Variants in IL1RAPL2 observed in about 807,000 individuals in gnomAD.
The protein encoded by IL1RAPL2 is X-linked interleukin-1 receptor accessory protein-like 2.
IL1RAPL2 carries 3 observed loss-of-function variants against 44.1 expected under a neutral mutation model. The ratio of observed to expected loss-of-function variants is 0.07; its 90% confidence interval spans 0.03 to 0.18. The LOEUF is 0.18. IL1RAPL2 is among the 10% of genes least tolerant of loss of function. The probability of loss-of-function intolerance (pLI) is 1.00; values close to 1 mark genes in which losing one functional copy is unlikely to be tolerated. For missense variants in IL1RAPL2, 391 were observed against 496.4 expected, an observed-to-expected ratio of 0.79 and a Z score of 2.02; for synonymous variants, 181 against 178.8, an observed-to-expected ratio of 1.01 and a Z score of -0.10.
At position 105,041,759 on chromosome X, in the gene IL1RAPL2, G is replaced by A. The variant is rs778388806; in HGVS notation, c.83-153716G>A. Among the ~76,000 whole-genome samples, 425 of 108,280 alleles carry A rather than the reference G, an allele frequency of 3.9e-3. 4 individuals carry two copies. The highest frequency in any genetic ancestry group is 0.014 in the African/African-American group (404 of 29,541). The allele number at this position is 108,280 out of a possible 115,157, so 94.0% of individuals were successfully genotyped here. A position where few individuals can be genotyped will look rare whatever the true frequency, so the allele number is the denominator to read the frequency against. On this transcript the variant is annotated intron_variant, in intron 2 of 10. Transcript: ENST00000372582. Reference sequence around the variant, plus strand: ...TTCATATGGAACCAAAAAAGAGCCCGCATCGCCAAGTCAATCCTAAGCCAA... The same window carrying A: ...TTCATATGGAACCAAAAAAGAGCCCACATCGCCAAGTCAATCCTAAGCCAA...
intron 4 of IL1RAPL2, among the ~76,000 whole-genome samples, chrX:105,252,700 A>G (rs2034280393): frequency 9.0e-6 from 1 of 111,696 alleles, no homozygotes; most frequent in African/African-American, 3.3e-5. Flanking sequence ...AGTGAACTCT[A>G]ATGATTCTAT....
rs780045964 is a variant in IL1RAPL2, at chrX:104,674,710, G to A, written c.82+15715G>A. Among the ~76,000 whole-genome samples, 6 of 109,909 alleles carry A rather than the reference G, an allele frequency of 5.5e-5. No individual in the cohort carries two copies. The South Asian group carries it at 2.4e-3, about 43-fold the overall frequency. The stretch of plus-strand genomic sequence containing the variant: ...CTTGTACCTCTGGTAGAATTCGGCT[G>A]TGAATCCATCTGGTCCTGGACTCTT... On this transcript the variant is annotated intron_variant, in intron 2 of 10. Transcript: ENST00000372582.
At chrX:105,123,751 T>C (rs1050768374) in intron 2 of IL1RAPL2, among the ~76,000 whole-genome samples, 1 of 111,293 alleles carries the variant, frequency 9.0e-6, no homozygotes, top group Non-Finnish European at 1.9e-5. Flanking sequence ...GGTATATAAG[T>C]GAACTAGTAT....
intron 2 of IL1RAPL2, among the ~76,000 whole-genome samples, chrX:104,783,500 C>A (rs1350529450): frequency 9.0e-6 from 1 of 110,851 alleles, no homozygotes; most frequent in Non-Finnish European, 1.9e-5. Flanking sequence ...TTTTAGAATT[C>A]ATTTTTATTT....
chrX:104,645,860 A>G (rs775691813), intron 1 of IL1RAPL2, among the ~76,000 whole-genome samples: 1 of 112,576 alleles, frequency 8.9e-6, no homozygotes, highest in Non-Finnish European at 1.9e-5. Flanking sequence ...ATATATCACT[A>G]TGAAAGCCTA....
chrX:105,497,165 G>C (rs2036361761), intron 6 of IL1RAPL2, among the ~76,000 whole-genome samples: 1 of 111,565 alleles, frequency 9.0e-6, no homozygotes, highest in East Asian at 2.8e-4. Flanking sequence ...TATCATCTCA[G>C]TTAGGATGGC....
chrX:105,219,070 C>A, intron 3 of IL1RAPL2: 1 of 1,210,338 alleles, frequency 8.3e-7, no homozygotes, highest in Non-Finnish European at 1.1e-6. Flanking sequence ...CCCTGGCCTG[C>A]GATATACTGG....
intron 6 of IL1RAPL2, among the ~76,000 whole-genome samples, chrX:105,627,873 T>C (rs2037464349): frequency 8.9e-6 from 1 of 112,158 alleles, no homozygotes; most frequent in Non-Finnish European, 1.9e-5. Context: ...GTCAGCTTTC[T>C]TTGGCCATTC....
intron 2 of IL1RAPL2, among the ~76,000 whole-genome samples, chrX:104,792,674 G>T (rs181067201): frequency 1.1e-4 from 12 of 111,482 alleles, no homozygotes; most frequent in Admixed American, 9.5e-4. Flanking sequence ...AACAAAGGGT[G>T]GCTGACAGTT....
intron 6 of IL1RAPL2, among the ~76,000 whole-genome samples, chrX:105,598,255 C>CAA (rs2037226224): frequency 9.1e-6 from 1 of 109,894 alleles, no homozygotes; most frequent in South Asian, 3.9e-4. Context: ...CACACACACA[C>CAA]AAAAAAAGTC....
At chrX:105,199,200 C>A (rs1556143768) in intron 3 of IL1RAPL2, among the ~76,000 whole-genome samples, 8 of 110,846 alleles carry the variant, frequency 7.2e-5, no homozygotes, top group Non-Finnish European at 1.5e-4. Context: ...GCTTGTAATG[C>A]AATTCTACTT....
intron 3 of IL1RAPL2, among the ~76,000 whole-genome samples, chrX:105,227,029 A>G (rs1443310888): frequency 3.1e-5 from 3 of 97,659 alleles, no homozygotes; most frequent in African/African-American, 7.6e-5. Flanking sequence ...AAGAACAGTT[A>G]AAAAACACAG....
chrX:105,055,912 A>G (rs927082109), intron 2 of IL1RAPL2, among the ~76,000 whole-genome samples: 1 of 111,979 alleles, frequency 8.9e-6, no homozygotes, highest in African/African-American at 3.2e-5. Flanking sequence ...ACACTACTGC[A>G]TTCAATTAGG....
intron 2 of IL1RAPL2, among the ~76,000 whole-genome samples, chrX:104,741,973 T>C (rs1480106037): frequency 9.0e-6 from 1 of 111,623 alleles, no homozygotes; most frequent in African/African-American, 3.2e-5. Flanking sequence ...AATTTTCTCA[T>C]TTTGTGCAGA....
At chrX:105,569,775 TCTATG>T (rs2037001354) in intron 6 of IL1RAPL2, among the ~76,000 whole-genome samples, 1 of 111,703 alleles carries the variant, frequency 9.0e-6, no homozygotes, top group Admixed American at 9.5e-5. Flanking sequence ...ATACACTCTT[TCTATG>T]GGAACAACCA....
At chrX:105,629,892 G>T (rs1484783828) in intron 6 of IL1RAPL2, among the ~76,000 whole-genome samples, 1 of 111,405 alleles carries the variant, frequency 9.0e-6, no homozygotes, top group East Asian at 2.8e-4. Flanking sequence ...GCAGGCATTG[G>T]AGTACTGGAG....
At chrX:104,612,226 T>C (rs1369625477) in intron 1 of IL1RAPL2, among the ~76,000 whole-genome samples, 1 of 112,178 alleles carries the variant, frequency 8.9e-6, no homozygotes, top group Admixed American at 9.5e-5. Flanking sequence ...TTTGTCGAAA[T>C]TGCTTTTGAG....
chrX:104,621,109 A>G (rs1358106549), intron 1 of IL1RAPL2, among the ~76,000 whole-genome samples: 1 of 105,609 alleles, frequency 9.5e-6, no homozygotes, highest in Non-Finnish European at 1.9e-5. Context: ...TATATATTAG[A>G]TGTAACATAT....
At chrX:105,413,161 A>C (rs988165262) in intron 5 of IL1RAPL2, among the ~76,000 whole-genome samples, 1 of 112,137 alleles carries the variant, frequency 8.9e-6, no homozygotes, top group Non-Finnish European at 1.9e-5. Context: ...TTTTTATAAA[A>C]TATCAAATTG....
Sources: allele counts gnomAD v4.1 joint callset (sites outside exome capture counted in the v4.1 genomes callset), GRCh38; gene constraint gnomAD v4.1.1; transcripts MANE v1.5; gene names NCBI Gene and HGNC (gene_info 2026-07-23, HGNC 2026-07-21).